Variants in CMSS1 observed in about 807,000 individuals in gnomAD.
CMSS1 encodes the protein cms1 ribosomal small subunit homolog.
CMSS1 carries 33 observed loss-of-function variants against 43.5 expected under a neutral mutation model. The ratio of observed to expected loss-of-function variants is 0.76; its 90% confidence interval spans 0.57 to 1.01. The LOEUF is 1.01. Ranked by LOEUF, CMSS1 falls within the 50% of genes least tolerant of loss-of-function variation. The probability of loss-of-function intolerance (pLI) is 0.00; values close to 1 mark genes in which losing one functional copy is unlikely to be tolerated. For missense variants in CMSS1, 313 were observed against 326.4 expected (o/e 0.96, Z 0.32); for synonymous variants, 115 against 117.2 (o/e 0.98, Z 0.12).
chr3:99,903,867 C>T (rs1288949229), intron 1 of CMSS1, among the ~76,000 whole-genome samples: 3 of 152,180 alleles, frequency 2.0e-5, no homozygotes, highest in Non-Finnish European at 4.4e-5. Flanking sequence ...ATAGAGCTGT[C>T]GTCCCCTGCT....
chr3:99,882,192 T>G (rs1263583376), intron 1 of CMSS1, among the ~76,000 whole-genome samples: 2 of 152,198 alleles, frequency 1.3e-5, no homozygotes, highest in Non-Finnish European at 2.9e-5. Flanking sequence ...AGAGTAAAAC[T>G]ATTTCTTCTA....
chr3:100,175,526 G>C (rs965780675), intron 8 of CMSS1, among the ~76,000 whole-genome samples: 3 of 152,100 alleles, frequency 2.0e-5, no homozygotes, highest in African/African-American at 7.2e-5. Context: ...ATTTTGCAGA[G>C]AGTTTTTAAT....
chr3:99,849,594 C>T (rs761477062), intron 1 of CMSS1: 49 of 1,613,428 alleles, frequency 3.0e-5, no homozygotes, highest in Non-Finnish European at 8.5e-6. Flanking sequence ...CATGGCTGGT[C>T]TCTGTCTTTT....
intron 5 of CMSS1, among the ~76,000 whole-genome samples, chr3:100,166,904 A>G: frequency 6.6e-6 from 1 of 150,850 alleles, no homozygotes; most frequent in South Asian, 2.1e-4. Flanking sequence ...ACAAGCAGCT[A>G]ATTTTTTTTT....
intron 5 of CMSS1, among the ~76,000 whole-genome samples, chr3:100,166,793 A>G (rs2067069848): frequency 6.6e-6 from 1 of 152,098 alleles, no homozygotes; most frequent in African/African-American, 2.4e-5. Context: ...GCTGGAGTGC[A>G]GTGGGTCTGG....
At chr3:99,884,063 G>A (rs1343052631) in intron 1 of CMSS1, among the ~76,000 whole-genome samples, 1 of 152,180 alleles carries the variant, frequency 6.6e-6, no homozygotes, top group African/African-American at 2.4e-5. Context: ...TGGGCTAGGA[G>A]AGTGAGAATG....
In CMSS1 at chr3:99,983,288, C is replaced by G. The variant is rs1428875219; in HGVS notation, c.65-163685C>G. Reference sequence around the variant, plus strand: ...GTGACTCATGCCTGTAATCCTAACACTTTGGGAGGCCAAGGCAGGCGGATC... The same window carrying G: ...GTGACTCATGCCTGTAATCCTAACAGTTTGGGAGGCCAAGGCAGGCGGATC... On this transcript the variant is annotated intron_variant, in intron 1 of 9. Coordinates refer to ENST00000421999, the MANE Select transcript of CMSS1 (RefSeq NM_032359.4). Among the ~76,000 whole-genome samples, 5 of 150,406 alleles carry G rather than the reference C, an allele frequency of 3.3e-5. No individual in the cohort carries two copies. In the East Asian group the frequency reaches 9.7e-4, roughly 29 times the overall value.
rs543179427 is a variant in CMSS1, at chr3:99,957,142, C to CA, written c.64+139107dup. 7.9e-5 allele frequency among the ~76,000 whole-genome samples: 12 copies of CA among 151,636 alleles called. No homozygotes were observed. In the South Asian group the frequency reaches 1.3e-3, roughly 16 times the overall value. Reference sequence around the variant, plus strand: ...CATTTATTTTTTATTTGATATACAGCAAAAAAAATACTGTATGAAGTAGAG... The same window carrying CA: ...CATTTATTTTTTATTTGATATACAGCAAAAAAAAATACTGTATGAAGTAGAG... On this transcript the variant is annotated intron_variant, in intron 1 of 9. Transcript: ENST00000421999.
At chr3:99,952,683 T>TAA (rs1357729144) in intron 1 of CMSS1, among the ~76,000 whole-genome samples, 11 of 152,348 alleles carry the variant, frequency 7.2e-5, no homozygotes, top group Non-Finnish European at 1.3e-4. Flanking sequence ...ATTTCCTCTT[T>TAA]CTACCCTATA....
intron 1 of CMSS1, among the ~76,000 whole-genome samples, chr3:99,938,072 T>C (rs1375877857): frequency 1.1e-4 from 16 of 142,606 alleles, no homozygotes; most frequent in African/African-American, 4.0e-4. Flanking sequence ...TGTGTGTGTG[T>C]GTGCGCGCGC....
At chr3:100,047,973 A>G (rs1011918282) in intron 1 of CMSS1, among the ~76,000 whole-genome samples, 2 of 152,184 alleles carry the variant, frequency 1.3e-5, no homozygotes, top group East Asian at 1.9e-4. Flanking sequence ...TGTCCCTCCT[A>G]TAGTGTAAAT....
At chr3:100,071,509 T>A (rs1311134033) in intron 1 of CMSS1, among the ~76,000 whole-genome samples, 2 of 152,104 alleles carry the variant, frequency 1.3e-5, no homozygotes, top group African/African-American at 4.8e-5. Flanking sequence ...AAAATTTACA[T>A]GGGAGAAGGG....
chr3:99,878,002 G>GCATTTATTTCATT (rs1384243357), intron 1 of CMSS1, among the ~76,000 whole-genome samples: 10 of 152,080 alleles, frequency 6.6e-5, no homozygotes, highest in African/African-American at 1.9e-4. Flanking sequence ...CTTTTGACTT[G>GCATTTATTTCATT]CTGGTTCCCA....
intron 1 of CMSS1, among the ~76,000 whole-genome samples, chr3:99,912,935 T>C (rs1303822269): frequency 1.3e-5 from 2 of 152,186 alleles, no homozygotes; most frequent in Non-Finnish European, 2.9e-5. Context: ...CAAACTCTTA[T>C]GTTGAAATCA....
At chr3:99,848,384 C>T (rs1164247969) in intron 1 of CMSS1, 5 of 1,613,960 alleles carry the variant, frequency 3.1e-6, no homozygotes, top group African/African-American at 1.3e-5. Flanking sequence ...TTTAGTGCCC[C>T]GTTAATTAAG....
At chr3:99,829,711 T>C (rs1010707124) in intron 1 of CMSS1, among the ~76,000 whole-genome samples, 8 of 152,200 alleles carry the variant, frequency 5.3e-5, no homozygotes, top group African/African-American at 1.4e-4. Context: ...TGATAAATTC[T>C]GTATTTTTTC....
At chr3:99,997,770 TAAG>T (rs1251737649) in intron 1 of CMSS1, among the ~76,000 whole-genome samples, 2 of 152,170 alleles carry the variant, frequency 1.3e-5, no homozygotes, top group African/African-American at 4.8e-5. Context: ...AAAGATAAAA[TAAG>T]AATAGCATGA....
intron 2 of CMSS1, among the ~76,000 whole-genome samples, chr3:100,151,663 G>A (rs561265284): frequency 3.9e-4 from 60 of 152,284 alleles, no homozygotes; most frequent in Middle Eastern, 3.4e-3. Flanking sequence ...CCACATTCAT[G>A]GGGAAGAGAT....
At chr3:100,048,148 C>T (rs1559738839) in intron 1 of CMSS1, among the ~76,000 whole-genome samples, 2 of 152,204 alleles carry the variant, frequency 1.3e-5, no homozygotes, top group African/African-American at 4.8e-5. Context: ...GTTTGCCCCA[C>T]AAATGACCAG....
Sources: allele counts gnomAD v4.1 joint callset (sites outside exome capture counted in the v4.1 genomes callset), GRCh38; gene constraint gnomAD v4.1.1; transcripts MANE v1.5; gene names NCBI Gene and HGNC (gene_info 2026-07-23, HGNC 2026-07-21).